IMMP2L: variants seen among roughly 807,000 people sequenced by gnomAD.
IMMP2L encodes the protein inner mitochondrial membrane peptidase subunit 2, also known as mitochondrial inner membrane protease subunit 2.
Under a neutral mutation model 19.3 loss-of-function variants are expected in IMMP2L, and 18 were observed. That is an observed-to-expected ratio of 0.93 (90% CI 0.64 to 1.38). IMMP2L has a LOEUF of 1.38. IMMP2L is among the 40% of genes most tolerant of loss of function. IMMP2L has a pLI of 0.00. For missense variants in IMMP2L, 233 were observed against 218.2 expected, an observed-to-expected ratio of 1.07 and a Z score of -0.43; for synonymous variants, 76 against 73.0, an observed-to-expected ratio of 1.04 and a Z score of -0.21.
intron 3 of IMMP2L, among the ~76,000 whole-genome samples, chr7:111,115,661 TTTTATATATTTA>T (rs1352459161): frequency 6.6e-6 from 1 of 151,616 alleles, no homozygotes; most frequent in East Asian, 1.9e-4. Flanking sequence ...TATTATTTAT[TTTTATATATTTA>T]TATATATTTC....
intron 4 of IMMP2L, among the ~76,000 whole-genome samples, chr7:110,906,841 A>G (rs2129547845): frequency 6.6e-6 from 1 of 152,282 alleles, no homozygotes; most frequent in East Asian, 1.9e-4. Context: ...TTATGATTAT[A>G]CTAATATGAT....
intron 3 of IMMP2L, among the ~76,000 whole-genome samples, chr7:111,106,269 T>C (rs190791599): frequency 2.0e-5 from 3 of 152,036 alleles, no homozygotes; most frequent in East Asian, 1.9e-4. Context: ...TGTGGAACAA[T>C]TGAAGCACAA....
chr7:111,212,921 T>A (rs1181251883), intron 3 of IMMP2L, among the ~76,000 whole-genome samples: 1 of 152,158 alleles, frequency 6.6e-6, no homozygotes, highest in Non-Finnish European at 1.5e-5. Context: ...GAGTTCTCAA[T>A]CCTCATGACG....
chr7:111,212,346 C>T (rs1033671491), intron 3 of IMMP2L, among the ~76,000 whole-genome samples: 9 of 152,140 alleles, frequency 5.9e-5, no homozygotes, highest in African/African-American at 1.9e-4. Context: ...CAGTGCCTCA[C>T]GCCTGTAATC....
chr7:111,457,459 A>T (rs1258299472), intron 3 of IMMP2L, among the ~76,000 whole-genome samples: 3 of 152,206 alleles, frequency 2.0e-5, no homozygotes, highest in African/African-American at 7.2e-5. Context: ...GTCTGTACCA[A>T]TTTAAAACTA....
At chr7:110,774,706 T>C (rs914040167) in intron 5 of IMMP2L, among the ~76,000 whole-genome samples, 2 of 152,042 alleles carry the variant, frequency 1.3e-5, no homozygotes, top group East Asian at 1.9e-4. Flanking sequence ...TAACATGCTA[T>C]ACAGGTTTGT....
In IMMP2L at chr7:111,539,209, A is replaced by AGGG. The variant is rs1848254781; in HGVS notation, c.-2-17761_-2-17760insCCC. ...GAAGGAAGGAGGGAGAAAGAAAGAAAGAAAGAAAGAAAGAAAGAAAGAAAG... is the reference window on the plus strand; with the variant it reads ...GAAGGAAGGAGGGAGAAAGAAAGAAAGGGGAAAGAAAGAAAGAAAGAAAGAAAG... On this transcript the variant is annotated intron_variant, in intron 1 of 5. Transcript: ENST00000405709. 7.9e-5 allele frequency among the ~76,000 whole-genome samples: 4 copies of AGGG among 50,826 alleles called. 1 individual carries two copies. The highest frequency in any genetic ancestry group is 2.3e-4 in the African/African-American group (3 of 13,312). The allele number at this position is 50,826 out of a possible 152,430, so 33.3% of individuals were successfully genotyped here.
intron 3 of IMMP2L, among the ~76,000 whole-genome samples, chr7:111,345,921 A>G (rs942944779): frequency 1.3e-5 from 2 of 152,212 alleles, no homozygotes; most frequent in African/African-American, 2.4e-5. Flanking sequence ...TTCATCTTCC[A>G]CATCTCCACA....
At chr7:110,741,014 T>C (rs1796955946) in intron 5 of IMMP2L, among the ~76,000 whole-genome samples, 1 of 152,032 alleles carries the variant, frequency 6.6e-6, no homozygotes, top group African/African-American at 2.4e-5. Context: ...GAAGTCATTA[T>C]ATGAAAAAGA....
rs28533798 is a variant in IMMP2L, at chr7:111,129,771, C to A, written c.240-166206G>T. Among the ~76,000 whole-genome samples, 1,429 of 152,026 alleles carry A rather than the reference C, an allele frequency of 9.4e-3. 22 individuals carry two copies. The highest frequency in any genetic ancestry group is 0.032 in the African/African-American group (1,327 of 41,484). Reference sequence around the variant, plus strand: ...CTTGAGTGTTAAGAGTGACCATGGCCTAGATTTACGTTATTCTTCTAAAGG... The same window carrying A: ...CTTGAGTGTTAAGAGTGACCATGGCATAGATTTACGTTATTCTTCTAAAGG... On this transcript the variant is annotated intron_variant, in intron 3 of 5. Coordinates refer to ENST00000405709, the MANE Select transcript of IMMP2L (RefSeq NM_032549.4).
chr7:111,509,514 A>G (rs1845250732), intron 2 of IMMP2L, among the ~76,000 whole-genome samples: 1 of 152,194 alleles, frequency 6.6e-6, no homozygotes, highest in African/African-American at 2.4e-5. Context: ...ATAAAGCAGC[A>G]TTTTGCAAAC....
chr7:110,983,918 A>G (rs1321920097), intron 3 of IMMP2L, among the ~76,000 whole-genome samples: 3 of 152,000 alleles, frequency 2.0e-5, no homozygotes, highest in East Asian at 1.9e-4. Flanking sequence ...ATCTCCCCCA[A>G]AATAGCACAT....
At chr7:110,793,566 T>G (rs1489360162) in intron 5 of IMMP2L, among the ~76,000 whole-genome samples, 1 of 151,814 alleles carries the variant, frequency 6.6e-6, no homozygotes, top group African/African-American at 2.4e-5. Flanking sequence ...TCAACAAAAA[T>G]GCACAATGCC....
intron 3 of IMMP2L, among the ~76,000 whole-genome samples, chr7:111,436,033 TGC>T (rs1837130710): frequency 6.6e-6 from 1 of 151,752 alleles, no homozygotes; most frequent in African/African-American, 2.4e-5. Context: ...CCAGGTGTCC[TGC>T]CAGACCTCTG....
intron 3 of IMMP2L, among the ~76,000 whole-genome samples, chr7:111,330,928 C>T (rs1237930111): frequency 1.3e-5 from 2 of 151,736 alleles, no homozygotes; most frequent in East Asian, 3.9e-4. Flanking sequence ...CAAAAGTTAA[C>T]AAATATTGAC....
intron 2 of IMMP2L, among the ~76,000 whole-genome samples, chr7:111,514,939 T>A (rs968410252): frequency 6.6e-6 from 1 of 152,132 alleles, no homozygotes; most frequent in Non-Finnish European, 1.5e-5. Context: ...AGTGCTTTGC[T>A]TGACCATTTT....
At chr7:111,487,570 C>T (rs890109916) in intron 2 of IMMP2L, among the ~76,000 whole-genome samples, 23 of 152,136 alleles carry the variant, frequency 1.5e-4, no homozygotes, top group African/African-American at 4.6e-4. Context: ...TTGAAAGGAA[C>T]GTGTGCTAGA....
chr7:111,214,251 CCTT>C (rs1430271320), intron 3 of IMMP2L, among the ~76,000 whole-genome samples: 2 of 150,802 alleles, frequency 1.3e-5, no homozygotes, highest in East Asian at 1.9e-4. Flanking sequence ...CACTTTGAGT[CCTT>C]CTATGCTTTA....
intron 3 of IMMP2L, among the ~76,000 whole-genome samples, chr7:111,375,194 G>C (rs1212151701): frequency 6.6e-6 from 1 of 151,998 alleles, no homozygotes; most frequent in Non-Finnish European, 1.5e-5. Flanking sequence ...GAACAGGCTT[G>C]TTGAGTGTTG....
Sources: allele counts gnomAD v4.1 joint callset (sites outside exome capture counted in the v4.1 genomes callset), GRCh38; gene constraint gnomAD v4.1.1; transcripts MANE v1.5; gene names NCBI Gene and HGNC (gene_info 2026-07-23, HGNC 2026-07-21).